The following NCAPG variants were observed in gnomAD, a reference collection of about 807,000 sequenced individuals.
NCAPG encodes the protein condensin complex subunit 3.
Under a neutral mutation model 113.1 loss-of-function variants are expected in NCAPG, and 69 were observed. That is an observed-to-expected ratio of 0.61 (90% confidence interval 0.50 to 0.75). The LOEUF (loss-of-function observed/expected upper bound fraction) is 0.75. Among genes scored for constraint, NCAPG ranks in the 30% least tolerant of loss-of-function variants. NCAPG has a pLI of 0.00. For missense variants in NCAPG, 1,058 were observed against 1,177.0 expected, an observed-to-expected ratio of 0.90 and a Z score of 1.48; for synonymous variants, 370 against 415.8, an observed-to-expected ratio of 0.89 and a Z score of 1.34.
In NCAPG at chr4:17,842,614, G is replaced by A; in HGVS notation, c.2924+235G>A. The A allele has an allele frequency of 7.3e-6, 3 of 408,610 alleles. No individual in the cohort carries two copies. In the East Asian group the frequency reaches 1.3e-4, roughly 18 times the overall value. The allele number at this position is 408,610 out of a possible 1,614,324, so 25.3% of individuals were successfully genotyped here. A position where few individuals can be genotyped will look rare whatever the true frequency, so the allele number is the denominator to read the frequency against. The stretch of plus-strand genomic sequence containing the variant: ...TGGTCTTTAGTACTATCTTTAATAT[G>A]TTGTTTCAATTTTTAATTACATGAT... On this transcript the variant is annotated intron_variant, in intron 20 of 20. Transcript: ENST00000251496.
intron 2 of NCAPG, 73 bp downstream of exon 2, chr4:17,812,497 G>A (rs1020603653): frequency 3.6e-6 from 4 of 1,099,582 alleles, no homozygotes; most frequent in Admixed American, 2.2e-5. Flanking sequence ...GTGGGAGTTT[G>A]TATGTTTTTG....
At chr4:17,825,341 A>G (rs147124529) in intron 10 of NCAPG, 41 bp from the exon 11 acceptor site, 1 of 1,493,124 alleles carries the variant, frequency 6.7e-7, no homozygotes, top group Non-Finnish European at 9.0e-7. Context: ...TCATATTAAC[A>G]GTTTTTGTTC....
At chr4:17,822,487 G>A (rs2109050544) in intron 7 of NCAPG, among the ~76,000 whole-genome samples, 1 of 152,230 alleles carries the variant, frequency 6.6e-6, no homozygotes, top group Admixed American at 6.5e-5. Context: ...ACTGTGCCCG[G>A]CTGAAGATTA....
At position 17,812,390 on chromosome 4, in the gene NCAPG, G is replaced by T. The variant is rs772073077; in HGVS notation, c.281G>T (p.Gly94Val). 1.2e-6 allele frequency: 2 copies of T among 1,613,570 alleles called. No homozygotes were observed. Among genetic ancestry groups the T allele is most frequent in the African/African-American group, 2.7e-5 (2 of 74,894 alleles). ...GATGATGAGGAAGAGGAAGATGGTGGCCTTTTAAATTATTTGTTTACTTTT... is the reference window on the plus strand; with the variant it reads ...GATGATGAGGAAGAGGAAGATGGTGTCCTTTTAAATTATTTGTTTACTTTT... ...MEDDEEEEDG[G>V]LLNYLFTFLL... Residue 94 changes from glycine to valine, a missense_variant, in exon 2 of 21, where the codon GGC (glycine) becomes GTC (valine). By Grantham distance (109) the Gly-to-Val change is moderately radical. Transcript: ENST00000251496.
rs918935749 is a variant in NCAPG, at chr4:17,834,242, CAG to C, written c.1885-55_1885-54del. The C allele has an allele frequency of 1.0e-5, 12 of 1,147,372 alleles. No individual in the cohort carries two copies. The African/African-American group carries it at 1.6e-4, about 15-fold the overall frequency. The allele number at this position is 1,147,372 out of a possible 1,614,324, so 71.1% of individuals were successfully genotyped here. ...AAGATACATATTAATTTTATGTAAA[CAG>C]AAACAAAACAGTTTACTGAATTTAC... is the stretch of plus-strand genomic sequence containing the variant. On this transcript the variant is annotated intron_variant, in intron 13 of 20. Transcript: ENST00000251496.
At chr4:17,823,808 G>T (rs1167009858) in intron 9 of NCAPG, 38 bp downstream of exon 9, 1 of 1,539,958 alleles carries the variant, frequency 6.5e-7, no homozygotes, top group South Asian at 1.2e-5. Flanking sequence ...AGAGGTTTTG[G>T]TCAATGACAT....
intron 6 of NCAPG, 53 bp downstream of exon 6, chr4:17,817,506 A>T (rs1721260721): frequency 1.3e-6 from 2 of 1,486,364 alleles, no homozygotes; most frequent in Non-Finnish European, 1.8e-6. Context: ...TTGTGCAATT[A>T]ATTTGTTTTT....
At chr4:17,814,023 G>C (rs1415879739) in intron 3 of NCAPG, among the ~76,000 whole-genome samples, 7 of 152,102 alleles carry the variant, frequency 4.6e-5, no homozygotes, top group Admixed American at 4.6e-4. Flanking sequence ...TAGGAAAGAT[G>C]TGAGAAGTAC....
In NCAPG at chr4:17,844,228, CAATTT is replaced by C. The variant is rs1343254769; in HGVS notation, c.*804_*808del. The C allele has an allele frequency of 6.6e-6, 1 of 152,346 alleles. No individual in the cohort carries two copies. Among genetic ancestry groups the C allele is most frequent in the Non-Finnish European group, 1.5e-5 (1 of 67,856 alleles). The allele number at this position is 152,346 out of a possible 1,614,324, so 9.4% of individuals were successfully genotyped here. On this transcript the variant is annotated 3_prime_UTR_variant, in exon 21 of 21. Transcript: ENST00000251496. Reference sequence around the variant, plus strand: ...CCAATTTATGAGCACTATTCACTGTCAATTTCATTTCTTGTCTTTTGAAATTGACA... The same window carrying C: ...CCAATTTATGAGCACTATTCACTGTCCATTTCTTGTCTTTTGAAATTGACA...
intron 7 of NCAPG, among the ~76,000 whole-genome samples, chr4:17,818,805 T>C (rs1341184396): frequency 6.6e-6 from 1 of 152,190 alleles, no homozygotes; most frequent in African/African-American, 2.4e-5. Flanking sequence ...TTATACCTCT[T>C]AAGAAATTAT....
At chr4:17,814,763 G>A in intron 3 of NCAPG, 90 bp from the exon 4 acceptor site, 1 of 1,369,196 alleles carries the variant, frequency 7.3e-7, no homozygotes, top group Non-Finnish European at 1.0e-6. Context: ...CACATTAAAG[G>A]CATTTTAAAA....
rs143901506 is a variant in NCAPG, at chr4:17,837,332, T to C, written c.2283T>C (p.Tyr761=). 6.2e-7 allele frequency: 1 copy of C among 1,612,996 alleles called. No individual in the cohort carries two copies. Among genetic ancestry groups the C allele is most frequent in the African/African-American group, 1.3e-5 (1 of 75,022 alleles). The change falls in exon 15 of 21, where the codon TAT becomes TAC. Residue 761 remains tyrosine, a synonymous_variant. Transcript: ENST00000251496. Reference sequence around the variant, plus strand: ...GCGTGTTCTTCCCCGTGTTTGCTTATGCAAGCAGGTATTGAGTCATACTGA... The same window carrying C: ...GCGTGTTCTTCCCCGTGTTTGCTTACGCAAGCAGGTATTGAGTCATACTGA... ...CLGVFFPVFA[Y]ASRTNQECFE...
chr4:17,839,526 G>A (rs1429807246), intron 16 of NCAPG, 150 bp from the exon 17 acceptor site: 7 of 499,922 alleles, frequency 1.4e-5, no homozygotes, highest in Non-Finnish European at 6.7e-6. Flanking sequence ...GCTTATTTTG[G>A]GGGTAGGGAG....
At chr4:17,815,496 T>C in intron 5 of NCAPG, 138 bp downstream of exon 5, 2 of 615,688 alleles carry the variant, frequency 3.2e-6, no homozygotes, top group Non-Finnish European at 5.6e-6. Context: ...TCTTGATGTA[T>C]TATATAGAAA....
At position 17,839,727 on chromosome 4, in the gene NCAPG, A is replaced by C; in HGVS notation, c.2518A>C (p.Thr840Pro). 1 of 1,581,214 alleles carries C rather than the reference A, an allele frequency of 6.3e-7. No homozygotes were observed. Among genetic ancestry groups the C allele is most frequent in the Non-Finnish European group, 8.5e-7 (1 of 1,171,336 alleles). ...LAMKICNEIL[T>P]SPCSPEIRVY... ...TATGAAAATTTGCAATGAGATCTTA[A>C]CAAGTCCGTGCTCGCCAGAAATTCG... Residue 840 changes from threonine (T) to proline (P), a missense_variant, in exon 17 of 21, where the codon ACA (threonine) becomes CCA (proline). Physicochemically the swap from Thr to Pro is conservative, Grantham distance 38. Coordinates refer to ENST00000251496, the MANE Select transcript of NCAPG (RefSeq NM_022346.5).
At chr4:17,830,732 A>G (rs1194495047) in intron 12 of NCAPG, among the ~76,000 whole-genome samples, 1 of 152,154 alleles carries the variant, frequency 6.6e-6, no homozygotes, top group Non-Finnish European at 1.5e-5. Flanking sequence ...GAAACTACAC[A>G]ATAGGGAATA....
chr4:17,843,568 G>A lies in NCAPG; in HGVS notation c.*143G>A. ...GTGCGCTTCCACGTTACTTTGGCCT[G>A]TATTAAAGCAGTAGAGCAGCATCAG... On this transcript the variant is annotated 3_prime_UTR_variant, in exon 21 of 21. Coordinates refer to ENST00000251496, the MANE Select transcript of NCAPG (RefSeq NM_022346.5). 2 of 850,504 alleles carry A rather than the reference G, an allele frequency of 2.4e-6. No individual in the cohort carries two copies. Among genetic ancestry groups the A allele is most frequent in the South Asian group, 1.8e-5 (1 of 54,518 alleles). 52.7% of individuals were successfully genotyped at this position (850,504 alleles called of 1,614,324 possible).
At chr4:17,815,154 T>A in intron 4 of NCAPG, 120 bp from the exon 5 acceptor site, 1 of 1,232,194 alleles carries the variant, frequency 8.1e-7, no homozygotes, top group Admixed American at 2.4e-5. Context: ...CTGTATTAAG[T>A]ATGTTACCAG....
At chr4:17,815,551 G>A (rs1721166296) in intron 5 of NCAPG, among the ~76,000 whole-genome samples, 193 bp downstream of exon 5, 1 of 152,124 alleles carries the variant, frequency 6.6e-6, no homozygotes, top group East Asian at 1.9e-4. Flanking sequence ...TTGAGACAGA[G>A]TCTCACTCTA....
Sources: allele counts gnomAD v4.1 joint callset (sites outside exome capture counted in the v4.1 genomes callset), GRCh38; gene constraint gnomAD v4.1.1; transcripts MANE v1.5; gene names NCBI Gene and HGNC (gene_info 2026-07-23, HGNC 2026-07-21).